The following ATP9B variants were observed in gnomAD, a reference collection of about 807,000 sequenced individuals.
ATP9B encodes ATPase phospholipid transporting 9B, also known as probable phospholipid-transporting ATPase IIB.
In ATP9B, 110 loss-of-function variants were observed where a neutral mutation model predicts 146.1. The observed-to-expected ratio is 0.75, with a 90% CI of 0.65 to 0.88. The LOEUF (loss-of-function observed/expected upper bound fraction) is 0.88, where lower values mean the gene tolerates loss of function less well. Ranked by LOEUF, ATP9B falls within the 40% of genes least tolerant of loss-of-function variation. ATP9B has a pLI of 0.00. For synonymous variants in ATP9B, 604 were observed against 569.7 expected, an observed-to-expected ratio of 1.06 and a Z score of -0.86; for missense variants, 1,499 against 1,496.4, an observed-to-expected ratio of 1.00 and a Z score of -0.03.
At chr18:79,246,761 G>A (rs895505845) in intron 11 of ATP9B, among the ~76,000 whole-genome samples, 1 of 152,188 alleles carries the variant, frequency 6.6e-6, no homozygotes, top group Non-Finnish European at 1.5e-5. Context: ...AGCCGCCTAT[G>A]GGAGGTGTGA....
intron 11 of ATP9B, among the ~76,000 whole-genome samples, chr18:79,237,055 C>T (rs2095847969): frequency 2.1e-5 from 1 of 46,626 alleles, no homozygotes; most frequent in South Asian, 9.5e-4. Flanking sequence ...CTGCCCCTTC[C>T]CCCTTCCCCA....
intron 1 of ATP9B, among the ~76,000 whole-genome samples, chr18:79,076,314 T>C (rs2072608708): frequency 1.3e-5 from 2 of 152,256 alleles, no homozygotes; most frequent in South Asian, 4.1e-4. Context: ...TCAGTAATTC[T>C]CTAACTATTC....
chr18:79,311,333 C>G (rs1361603987), intron 15 of ATP9B, among the ~76,000 whole-genome samples: 4 of 152,116 alleles, frequency 2.6e-5, no homozygotes, highest in Non-Finnish European at 5.9e-5. Flanking sequence ...GTGAGGCCCT[C>G]CTCCACCAAT....
At chr18:79,297,462 G>A (rs773478806) in intron 13 of ATP9B, among the ~76,000 whole-genome samples, 11 of 152,198 alleles carry the variant, frequency 7.2e-5, no homozygotes, top group South Asian at 2.1e-4. Flanking sequence ...TTCTCATCGC[G>A]TTATGAGGCA....
chr18:79,200,436 A>G (rs930508913), intron 9 of ATP9B, among the ~76,000 whole-genome samples: 1 of 152,254 alleles, frequency 6.6e-6, no homozygotes. Flanking sequence ...GTAGAACACT[A>G]TAGTGTTGAA....
chr18:79,156,024 A>G (rs2094774856), intron 7 of ATP9B, among the ~76,000 whole-genome samples: 2 of 152,030 alleles, frequency 1.3e-5, no homozygotes, highest in Non-Finnish European at 2.9e-5. Context: ...GGCCTCCCAA[A>G]GTGCTGGGAT....
intron 8 of ATP9B, among the ~76,000 whole-genome samples, chr18:79,181,198 T>C (rs910675358): frequency 4.6e-5 from 7 of 152,204 alleles, no homozygotes; most frequent in African/African-American, 1.7e-4. Context: ...GCATCCATAG[T>C]CCTGAAAAGA....
At chr18:79,327,083 T>C (rs1201185410) in intron 15 of ATP9B, among the ~76,000 whole-genome samples, 1 of 152,156 alleles carries the variant, frequency 6.6e-6, no homozygotes. Context: ...TCTCTAAGAG[T>C]GTGAACTCAT....
At chr18:79,099,175 T>G (rs1414157712) in intron 2 of ATP9B, among the ~76,000 whole-genome samples, 1 of 152,182 alleles carries the variant, frequency 6.6e-6, no homozygotes, top group African/African-American at 2.4e-5. Flanking sequence ...TTGACAGGTA[T>G]TATCATTAAG....
At chr18:79,296,549 T>C (rs1773646351) in intron 13 of ATP9B, among the ~76,000 whole-genome samples, 1 of 152,226 alleles carries the variant, frequency 6.6e-6, no homozygotes. Context: ...AGGAAAGAAC[T>C]AAATATAGAA....
intron 6 of ATP9B, among the ~76,000 whole-genome samples, chr18:79,147,439 G>A (rs1376289227): frequency 6.6e-6 from 1 of 152,148 alleles, no homozygotes; most frequent in East Asian, 1.9e-4. Flanking sequence ...GCCATTTTCT[G>A]TACCATAAAC....
At chr18:79,267,827 A>G (rs62102768) in intron 12 of ATP9B, among the ~76,000 whole-genome samples, 4,473 of 152,124 alleles carry the variant, frequency 0.029, 109 homozygotes, top group Non-Finnish European at 0.048. Context: ...TGCATTCCCA[A>G]TTGTTGGTCA....
At chr18:79,274,576 CTGTGTGGTATTA>C (rs1333863850) in intron 12 of ATP9B, among the ~76,000 whole-genome samples, 2 of 152,084 alleles carry the variant, frequency 1.3e-5, no homozygotes, top group Non-Finnish European at 2.9e-5. Flanking sequence ...TATATGCAAC[CTGTGTGGTATTA>C]TACAAAACCC....
Position 79,377,436 on chromosome 18 carries a change from A to T in ATP9B, c.*53A>T. 2 of 1,587,720 alleles carry T rather than the reference A, an allele frequency of 1.3e-6. No homozygotes were observed. The highest frequency in any genetic ancestry group is 2.2e-5 in the South Asian group (2 of 90,520). On this transcript the variant is annotated 3_prime_UTR_variant, in exon 30 of 30. Coordinates refer to ENST00000426216, the MANE Select transcript of ATP9B (RefSeq NM_198531.5). ...CCCAGCACCTTCTGCCCTTCCCAGCACCTTGTGCCCTTGCCAGTGAACGCA... is the reference window on the plus strand; with the variant it reads ...CCCAGCACCTTCTGCCCTTCCCAGCTCCTTGTGCCCTTGCCAGTGAACGCA...
intron 13 of ATP9B, among the ~76,000 whole-genome samples, chr18:79,302,920 A>C (rs1321868455): frequency 2.0e-5 from 3 of 152,198 alleles, no homozygotes; most frequent in Non-Finnish European, 4.4e-5. Context: ...TTTCTCAGGC[A>C]GTGTTCTATA....
intron 15 of ATP9B, among the ~76,000 whole-genome samples, chr18:79,323,718 C>A (rs941389533): frequency 5.9e-5 from 9 of 152,238 alleles, no homozygotes; most frequent in Non-Finnish European, 7.3e-5. Context: ...GTGGGGGACA[C>A]AGGCTGATTC....
At chr18:79,312,346 TC>T (rs1248340024) in intron 15 of ATP9B, among the ~76,000 whole-genome samples, 1 of 152,256 alleles carries the variant, frequency 6.6e-6, no homozygotes, top group Admixed American at 6.5e-5. Context: ...TTATAATTAT[TC>T]AGAGCATTTT....
chr18:79,318,268 C>T (rs1163047943), intron 15 of ATP9B, among the ~76,000 whole-genome samples: 1 of 152,232 alleles, frequency 6.6e-6, no homozygotes, highest in African/African-American at 2.4e-5. Flanking sequence ...GGAAGAGTAG[C>T]TTGACGACCT....
intron 15 of ATP9B, among the ~76,000 whole-genome samples, chr18:79,318,115 C>G (rs2096692246): frequency 6.6e-6 from 1 of 152,210 alleles, no homozygotes; most frequent in Non-Finnish European, 1.5e-5. Context: ...AAAGACAGAT[C>G]GCCCATGCAG....
Sources: gnomAD v4.1 joint callset for allele counts (sites outside exome capture counted in the v4.1 genomes callset) on GRCh38, gnomAD v4.1.1 for gene constraint, MANE v1.5 for transcripts, NCBI Gene and HGNC (gene_info 2026-07-23, HGNC 2026-07-21) for gene names.